Variants in UBE2E3 observed in about 807,000 individuals in gnomAD.
The protein encoded by UBE2E3 is ubiquitin-conjugating enzyme E2 E3.
UBE2E3 carries 5 observed loss-of-function variants against 23.6 expected under a neutral mutation model. That is an observed-to-expected ratio of 0.21 (90% confidence interval 0.11 to 0.44). The LOEUF (loss-of-function observed/expected upper bound fraction) is 0.44, where lower values mean the gene tolerates loss of function less well. Ranked by LOEUF, UBE2E3 falls within the 20% of genes least tolerant of loss-of-function variation. UBE2E3 has a pLI of 0.99. For synonymous variants in UBE2E3, 78 were observed against 87.5 expected, an observed-to-expected ratio of 0.89 and a Z score of 0.60; for missense variants, 81 against 249.8, an observed-to-expected ratio of 0.32 and a Z score of 4.55.
chr2:181,001,311 C>G (rs1295043072), intron 3 of UBE2E3, among the ~76,000 whole-genome samples: 1 of 152,108 alleles, frequency 6.6e-6, no homozygotes, highest in Non-Finnish European at 1.5e-5. Context: ...GAGAGAAATA[C>G]AGAGTAGCCT....
At chr2:181,044,666 T>G (rs1158774535) in intron 3 of UBE2E3, among the ~76,000 whole-genome samples, 1 of 152,156 alleles carries the variant, frequency 6.6e-6, no homozygotes, top group Non-Finnish European at 1.5e-5. Flanking sequence ...GTCACTAGAT[T>G]AGTGTATTGA....
At chr2:181,007,940 T>C (rs563289107) in intron 3 of UBE2E3, among the ~76,000 whole-genome samples, 105 of 152,256 alleles carry the variant, frequency 6.9e-4, no homozygotes, top group African/African-American at 2.5e-3. Flanking sequence ...TCAAGGAAGG[T>C]TTCTACAGGA....
chr2:181,047,113 A>G (rs967999392), intron 3 of UBE2E3, among the ~76,000 whole-genome samples: 17 of 152,214 alleles, frequency 1.1e-4, no homozygotes, highest in African/African-American at 3.6e-4. Context: ...TGATCACCAC[A>G]TGACTAGATG....
At chr2:181,047,903 G>C (rs1686719140) in intron 3 of UBE2E3, among the ~76,000 whole-genome samples, 1 of 152,096 alleles carries the variant, frequency 6.6e-6, no homozygotes, top group Non-Finnish European at 1.5e-5. Flanking sequence ...CCTTCATGTA[G>C]TCTTACAAGG....
chr2:181,010,139 A>G (rs1292054508), intron 3 of UBE2E3, among the ~76,000 whole-genome samples: 2 of 152,080 alleles, frequency 1.3e-5, no homozygotes, highest in Non-Finnish European at 2.9e-5. Flanking sequence ...ACATACTACT[A>G]CTCCTACCAT....
intron 3 of UBE2E3, among the ~76,000 whole-genome samples, chr2:181,050,444 A>G (rs567661738): frequency 2.0e-5 from 3 of 151,886 alleles, no homozygotes; most frequent in Admixed American, 2.0e-4. Flanking sequence ...TTTGGGAGGG[A>G]CTCTTAGAGT....
chr2:181,051,373 C>T (rs1485327842), intron 3 of UBE2E3, among the ~76,000 whole-genome samples: 1 of 151,664 alleles, frequency 6.6e-6, no homozygotes, highest in Non-Finnish European at 1.5e-5. Flanking sequence ...GGTTGGATAT[C>T]TTCTCATTTT....
chr2:180,996,496 T>G (rs62180110), intron 3 of UBE2E3, among the ~76,000 whole-genome samples: 35,306 of 152,144 alleles, frequency 0.23, 4,468 homozygotes, highest in Non-Finnish European at 0.28. Context: ...ACAAGAAGCA[T>G]CCTCCTTTGT....
At chr2:181,003,237 A>G (rs1311788582) in intron 3 of UBE2E3, among the ~76,000 whole-genome samples, 3 of 152,196 alleles carry the variant, frequency 2.0e-5, no homozygotes, top group Non-Finnish European at 4.4e-5. Context: ...ATGAAGTGTT[A>G]TTTGTTATGA....
At chr2:181,057,866 T>C in intron 4 of UBE2E3, 41 bp downstream of exon 4, 1 of 1,591,266 alleles carries the variant, frequency 6.3e-7, no homozygotes, top group Non-Finnish European at 8.6e-7. Flanking sequence ...TTAATCCTTC[T>C]CCTCTAAAAT....
intron 3 of UBE2E3, among the ~76,000 whole-genome samples, chr2:181,044,831 C>G (rs1457717467): frequency 6.6e-6 from 1 of 152,104 alleles, no homozygotes; most frequent in Non-Finnish European, 1.5e-5. Context: ...AGTAATTGTT[C>G]AGTTCTAAGA....
At chr2:181,004,906 T>G (rs1048524868) in intron 3 of UBE2E3, among the ~76,000 whole-genome samples, 1 of 152,224 alleles carries the variant, frequency 6.6e-6, no homozygotes, top group Non-Finnish European at 1.5e-5. Flanking sequence ...ACAGACAATG[T>G]CTTACGAAGA....
At chr2:181,007,816 C>T (rs1046520474) in intron 3 of UBE2E3, among the ~76,000 whole-genome samples, 1 of 152,054 alleles carries the variant, frequency 6.6e-6, no homozygotes, top group Non-Finnish European at 1.5e-5. Flanking sequence ...TGTGGGAAAT[C>T]GAACACTTCA....
At chr2:180,993,488 G>A (rs1198482152) in intron 3 of UBE2E3, among the ~76,000 whole-genome samples, 1 of 152,160 alleles carries the variant, frequency 6.6e-6, no homozygotes, top group Non-Finnish European at 1.5e-5. Context: ...GCTTTTGGGA[G>A]TATAGTTCCA....
chr2:180,983,475 T>C (rs1299208369), intron 2 of UBE2E3, among the ~76,000 whole-genome samples: 1 of 152,234 alleles, frequency 6.6e-6, no homozygotes, highest in Non-Finnish European at 1.5e-5. Flanking sequence ...TAAATTTAAG[T>C]GCTGTACCTA....
chr2:180,997,413 T>A (rs1207941424), intron 3 of UBE2E3, among the ~76,000 whole-genome samples: 1 of 152,122 alleles, frequency 6.6e-6, no homozygotes, highest in Non-Finnish European at 1.5e-5. Context: ...TATGCGCATG[T>A]TCTCTTCAGT....
chr2:180,983,593 A>G (rs1305201195), intron 2 of UBE2E3, among the ~76,000 whole-genome samples: 1 of 152,222 alleles, frequency 6.6e-6, no homozygotes, highest in African/African-American at 2.4e-5. Flanking sequence ...GACAGATAAA[A>G]TATTGTCAGA....
rs539137606 is a variant in UBE2E3 at position 181,025,365 on chromosome 2, G to C, written c.246-32328G>C. Reference sequence around the variant, plus strand: ...TATGCAAATAAATGTAATTTTCACAGTGTCATAACATTGATTTTGTCATTG... The same window carrying C: ...TATGCAAATAAATGTAATTTTCACACTGTCATAACATTGATTTTGTCATTG... On this transcript the variant is annotated intron_variant, in intron 3 of 5. Transcript: ENST00000410062. 4.0e-5 allele frequency among the ~76,000 whole-genome samples: 6 copies of C among 150,800 alleles called. No individual in the cohort carries two copies. The South Asian group carries it at 1.3e-3, about 32-fold the overall frequency.
intron 2 of UBE2E3, 175 bp from the exon 3 acceptor site, chr2:180,983,868 C>T (rs1684375633): frequency 2.2e-6 from 1 of 449,004 alleles, no homozygotes; most frequent in South Asian, 7.0e-5. Flanking sequence ...TGCAAAGTTT[C>T]TGTTAAGGGA....
Sources: gnomAD v4.1 joint callset for allele counts (sites outside exome capture counted in the v4.1 genomes callset) on GRCh38, gnomAD v4.1.1 for gene constraint, MANE v1.5 for transcripts, NCBI Gene and HGNC (gene_info 2026-07-23, HGNC 2026-07-21) for gene names.